The following RAB37 variants were observed in gnomAD, a reference collection of about 807,000 sequenced individuals.
RAB37 encodes RAB37, member RAS oncogene family, also known as ras-related protein Rab-37.
Under a neutral mutation model 33.1 loss-of-function variants are expected in RAB37, and 29 were observed. The observed-to-expected ratio is 0.88, with a 90% CI of 0.65 to 1.20. RAB37 has a LOEUF of 1.20. RAB37 is among the 50% of genes most tolerant of loss of function. The pLI, the probability that RAB37 is intolerant of heterozygous loss-of-function variation, is 0.00. For missense variants in RAB37, 299 were observed against 301.1 expected (o/e 0.99, Z 0.05); for synonymous variants, 128 against 119.5 (o/e 1.07, Z -0.47).
Position 74,743,334 on chromosome 17 carries a change from C to T in RAB37, c.360C>T (p.Asn120=). 6.2e-7 allele frequency: 1 copy of T among 1,614,106 alleles called. No homozygotes were observed. The highest frequency in any genetic ancestry group is 8.5e-7 in the Non-Finnish European group (1 of 1,180,008). The change falls in exon 5 of 9, where the codon AAC becomes AAT. Residue 120 remains asparagine, a synonymous_variant. Transcript: ENST00000392613. ...TCACCAACAAATCTTCTTTCGACAA[C>T]ATCAGGGTAGGTCCTCCCTTCCCCT... The part of the protein sequence containing the change: ...YDITNKSSFD[N]IRAWLTEIHE...
intron 1 of RAB37, chr17:74,704,828 A>G (rs1314663794): frequency 1.2e-6 from 2 of 1,600,582 alleles, no homozygotes; most frequent in African/African-American, 2.7e-5. Context: ...TGGAAAACAC[A>G]AATTCATGTG....
chr17:74,688,651 C>T (rs374900496), intron 1 of RAB37, among the ~76,000 whole-genome samples: 1 of 150,724 alleles, frequency 6.6e-6, no homozygotes, highest in South Asian at 2.1e-4. Context: ...AAAAAGAGAA[C>T]GGTTATCTCT....
At chr17:74,714,817 G>T (rs984658922) in intron 1 of RAB37, among the ~76,000 whole-genome samples, 3 of 152,090 alleles carry the variant, frequency 2.0e-5, no homozygotes, top group Non-Finnish European at 4.4e-5. Context: ...GGTCGGGACT[G>T]GGGATATAAA....
intron 1 of RAB37, among the ~76,000 whole-genome samples, chr17:74,679,386 C>T (rs1043434110): frequency 1.3e-5 from 2 of 152,074 alleles, no homozygotes; most frequent in African/African-American, 2.4e-5. Context: ...TCTCCCTCCT[C>T]GCCTCCCCCA....
intron 1 of RAB37, chr17:74,695,001 C>A (rs568403034): frequency 1.5e-6 from 2 of 1,360,122 alleles, no homozygotes; most frequent in Non-Finnish European, 2.0e-6. Context: ...CACCAGTCCC[C>A]GGGTTGGTCC....
At chr17:74,703,468 C>A (rs1466885664) in intron 1 of RAB37, among the ~76,000 whole-genome samples, 1 of 152,140 alleles carries the variant, frequency 6.6e-6, no homozygotes, top group African/African-American at 2.4e-5. Flanking sequence ...ATCTCCACCC[C>A]CAGCCCTATT....
chr17:74,717,986 T>C (rs1459613282), intron 1 of RAB37, among the ~76,000 whole-genome samples: 5 of 151,808 alleles, frequency 3.3e-5, no homozygotes, highest in African/African-American at 1.2e-4. Context: ...CTGTGAGAAA[T>C]ACATTTCTGT....
chr17:74,686,426 T>C (rs2032056266), intron 1 of RAB37, among the ~76,000 whole-genome samples: 1 of 152,050 alleles, frequency 6.6e-6, no homozygotes. Context: ...AGTCTCGCTC[T>C]GTTGCCCAGG....
chr17:74,703,047 T>C, intron 1 of RAB37: 1 of 1,613,728 alleles, frequency 6.2e-7, no homozygotes, highest in Non-Finnish European at 8.5e-7. Flanking sequence ...GTTGTCCAAG[T>C]GGTGGCCGGT....
upstream of RAB37, among the ~76,000 whole-genome samples, chr17:74,733,907 G>T (rs190782466): frequency 7.9e-5 from 12 of 152,194 alleles, no homozygotes; most frequent in Non-Finnish European, 1.5e-4. Context: ...AGACCCAGCA[G>T]GCCTGCAGCC....
At chr17:74,714,084 A>C (rs1598299059) in intron 1 of RAB37, among the ~76,000 whole-genome samples, 1 of 151,962 alleles carries the variant, frequency 6.6e-6, no homozygotes, top group East Asian at 1.9e-4. Context: ...GGTAGCATTC[A>C]CCTGTAATCC....
Position 74,744,750 on chromosome 17 carries a change from C to T in RAB37, c.433-123C>T. The T allele has an allele frequency of 8.5e-7, 1 of 1,174,876 alleles. No homozygotes were observed. Among genetic ancestry groups the T allele is most frequent in the Non-Finnish European group, 1.3e-6 (1 of 785,476 alleles). 72.8% of individuals were successfully genotyped at this position (1,174,876 alleles called of 1,614,324 possible). On this transcript the variant is annotated intron_variant, in intron 6 of 8. Coordinates refer to ENST00000392613, the MANE Select transcript of RAB37 (RefSeq NM_001006638.3). The surrounding 1 kb of genome is among the most constrained non-coding windows in gnomAD (Gnocchi z 4.2). ...GCAGAAACCCTGGCCCCAGGCCAAT[C>T]ACACCTGCCTGCAGTCCCTTGGGCC... is the stretch of plus-strand genomic sequence containing the variant.
intron 1 of RAB37, among the ~76,000 whole-genome samples, chr17:74,709,629 C>T (rs910196481): frequency 2.0e-5 from 3 of 151,932 alleles, no homozygotes; most frequent in Non-Finnish European, 2.9e-5. Flanking sequence ...TGCACTGGTA[C>T]GAACATGGGT....
chr17:74,702,119 G>A (rs769064368), intron 1 of RAB37, among the ~76,000 whole-genome samples: 4 of 152,018 alleles, frequency 2.6e-5, no homozygotes, highest in East Asian at 1.9e-4. Flanking sequence ...TTAGAATACC[G>A]GGGACCTCCC....
In RAB37 at chr17:74,745,756, T is replaced by A. The variant is rs1283355230; in HGVS notation, c.*345T>A. The A allele has an allele frequency of 8.7e-6, 2 of 230,284 alleles. No individual in the cohort carries two copies. Among genetic ancestry groups the A allele is most frequent in the East Asian group, 2.4e-4 (2 of 8,230 alleles). The allele number at this position is 230,284 out of a possible 1,614,324, so 14.3% of individuals were successfully genotyped here. A position where few individuals can be genotyped will look rare whatever the true frequency, so the allele number is the denominator to read the frequency against. On this transcript the variant is annotated 3_prime_UTR_variant, in exon 9 of 9. Transcript: ENST00000392613. The surrounding 1 kb of genome is among the most constrained non-coding windows in gnomAD (Gnocchi z 4.5). ...CCTCCTAAGCATAACAAAGGTGGTG[T>A]TGCTCCAGCTCAGCCCCAGGGGACA...
intron 1 of RAB37, among the ~76,000 whole-genome samples, chr17:74,728,334 A>G (rs1408370489): frequency 6.9e-6 from 1 of 144,900 alleles, no homozygotes; most frequent in Non-Finnish European, 1.5e-5. Flanking sequence ...TGTGTGTTTT[A>G]TGTGTACTAT....
upstream of RAB37, among the ~76,000 whole-genome samples, chr17:74,735,922 C>G (rs1171403046): frequency 6.6e-6 from 1 of 152,192 alleles, no homozygotes; most frequent in Non-Finnish European, 1.5e-5. Flanking sequence ...TTAAGAATTG[C>G]AGGCCGGGCG....
At chr17:74,697,467 A>T (rs1462497372) in intron 1 of RAB37, among the ~76,000 whole-genome samples, 3 of 152,358 alleles carry the variant, frequency 2.0e-5, no homozygotes, top group Non-Finnish European at 2.9e-5. Flanking sequence ...GATGAATAAA[A>T]GTCAGGCTCT....
At chr17:74,673,918 T>C (rs562127826) in intron 1 of RAB37, among the ~76,000 whole-genome samples, 1 of 152,312 alleles carries the variant, frequency 6.6e-6, no homozygotes, top group East Asian at 1.9e-4. Flanking sequence ...CATGATGTTT[T>C]ATTGTGATCC....
Sources: gnomAD v4.1 joint callset for allele counts (sites outside exome capture counted in the v4.1 genomes callset) on GRCh38, gnomAD v4.1.1 for gene constraint, Gnocchi (gnomAD v3.1) non-coding constraint, MANE v1.5 for transcripts, NCBI Gene and HGNC (gene_info 2026-07-23, HGNC 2026-07-21) for gene names.